Variants in STXBP4 observed in about 807,000 individuals in gnomAD.
STXBP4 encodes syntaxin binding protein 4, also known as syntaxin-binding protein 4.
In STXBP4, 55 loss-of-function variants were observed where a neutral mutation model predicts 76.1. The observed-to-expected ratio is 0.72, with a 90% confidence interval of 0.58 to 0.91. The LOEUF (loss-of-function observed/expected upper bound fraction) is 0.91. Ranked by LOEUF, STXBP4 falls within the 40% of genes least tolerant of loss-of-function variation. The probability of loss-of-function intolerance (pLI) is 0.00; values close to 1 mark genes in which losing one functional copy is unlikely to be tolerated. For missense variants in STXBP4, 618 were observed against 636.9 expected (o/e 0.97, Z 0.32); for synonymous variants, 201 against 220.2 (o/e 0.91, Z 0.77).
intron 16 of STXBP4, among the ~76,000 whole-genome samples, chr17:55,098,195 C>A (rs113739098): frequency 2.0e-5 from 3 of 152,074 alleles, no homozygotes; most frequent in African/African-American, 7.2e-5. Context: ...TCTGAGAACA[C>A]GTGAGAAACC....
intron 17 of STXBP4, among the ~76,000 whole-genome samples, chr17:55,157,195 T>G (rs1296619117): frequency 6.6e-6 from 1 of 152,232 alleles, no homozygotes; most frequent in Non-Finnish European, 1.5e-5. Context: ...TGGACTAATA[T>G]GTGCTGATAA....
chr17:55,078,216 C>T (rs372965168), intron 14 of STXBP4, 22 bp downstream of exon 14: 8 of 1,482,420 alleles, frequency 5.4e-6, no homozygotes, highest in Non-Finnish European at 5.6e-6. Context: ...TGTTCTATTA[C>T]ATTCATCTTT....
At chr17:54,969,345 C>T (rs2077349970) in intron 1 of STXBP4, among the ~76,000 whole-genome samples, 1 of 152,188 alleles carries the variant, frequency 6.6e-6, no homozygotes, top group African/African-American at 2.4e-5. Flanking sequence ...AGTTGTCCCA[C>T]AGGACGAACT....
At chr17:55,199,385 C>G in the STXBP4 span, among the ~76,000 whole-genome samples, 369 of 152,198 alleles carry the variant, frequency 2.4e-3, 2 homozygotes, top group African/African-American at 8.6e-3. Flanking sequence ...TGTGTTTTTC[C>G]CCTAGATGCA....
At chr17:55,120,796 G>A (rs918079864) in intron 16 of STXBP4, among the ~76,000 whole-genome samples, 2 of 148,758 alleles carry the variant, frequency 1.3e-5, no homozygotes, top group East Asian at 1.9e-4. Flanking sequence ...ACAGGACTGT[G>A]TTTCCTAGAA....
In STXBP4 at chr17:54,968,820, G is replaced by A. The variant is rs2077331540; in HGVS notation, c.-157+5G>A. On this transcript the variant is annotated splice_donor_5th_base_variant and intron_variant, in intron 1 of 17. Transcript: ENST00000376352. ...GGCCGGGTTGCCAGATTACGGGTAAGTTTGCGTTTTGCTTTGTGACTGTTA... is the reference window on the plus strand; with the variant it reads ...GGCCGGGTTGCCAGATTACGGGTAAATTTGCGTTTTGCTTTGTGACTGTTA... 2 of 662,044 alleles carry A rather than the reference G, an allele frequency of 3.0e-6. No individual in the cohort carries two copies. Among genetic ancestry groups the A allele is most frequent in the Non-Finnish European group, 5.1e-6 (2 of 389,492 alleles). The allele number at this position is 662,044 out of a possible 1,614,324, so 41.0% of individuals were successfully genotyped here. A position where few individuals can be genotyped will look rare whatever the true frequency, so the allele number is the denominator to read the frequency against.
chr17:55,113,473 T>C (rs1164820405), intron 16 of STXBP4, among the ~76,000 whole-genome samples: 1 of 152,174 alleles, frequency 6.6e-6, no homozygotes, highest in Non-Finnish European at 1.5e-5. Flanking sequence ...AATTCCTGCT[T>C]ATGCCCAGAT....
At position 54,973,072 on chromosome 17, in the gene STXBP4, G is replaced by A. The variant is rs772822027; in HGVS notation, c.-157+4257G>A. Among the ~76,000 whole-genome samples the A allele has an allele frequency of 6.5e-4, 99 of 152,208 alleles. 1 individual carries two copies. Among genetic ancestry groups the A allele is most frequent in the Non-Finnish European group, 1.3e-3 (87 of 68,038 alleles). ...TCCAGACATTTTAGAAAGGGTAGGA[G>A]GAAGGAGGAAAGGCCAGTTAGGAAG... On this transcript the variant is annotated intron_variant, in intron 1 of 17. Coordinates refer to ENST00000376352, the MANE Select transcript of STXBP4 (RefSeq NM_178509.6).
chr17:55,205,435 A>G, the STXBP4 span, among the ~76,000 whole-genome samples: 15 of 152,274 alleles, frequency 9.9e-5, no homozygotes, highest in Non-Finnish European at 2.2e-4. Flanking sequence ...CAAATGACAG[A>G]TTTGTCTACA....
chr17:54,981,201 C>A (rs1051802399), intron 1 of STXBP4, among the ~76,000 whole-genome samples: 1 of 151,980 alleles, frequency 6.6e-6, no homozygotes, highest in Non-Finnish European at 1.5e-5. Context: ...GATTCCCTTA[C>A]AAATAGCATT....
At chr17:55,035,050 C>T (rs758045730) in intron 10 of STXBP4, among the ~76,000 whole-genome samples, 2 of 151,802 alleles carry the variant, frequency 1.3e-5, no homozygotes, top group South Asian at 2.1e-4. Context: ...GTTTTTGTTC[C>T]ACCATCATTT....
downstream of STXBP4, among the ~76,000 whole-genome samples, chr17:55,175,557 C>T (rs1045759198): frequency 2.6e-5 from 4 of 152,156 alleles, no homozygotes; most frequent in African/African-American, 9.7e-5. Context: ...AATGAAGGCG[C>T]TGCTCATAGA....
rs758698275 is a variant in STXBP4, at chr17:55,081,184, G to GT, written c.1489+2dup. Reference sequence around the variant, plus strand: ...GTTCGTGCCTTACTTGATATGGATTGTAAGTTTTCTGCATTTTTTCACTTT... The same window carrying GT: ...GTTCGTGCCTTACTTGATATGGATTGTTAAGTTTTCTGCATTTTTTCACTTT... On this transcript the variant is annotated splice_donor_variant, in intron 16 of 17. Coordinates refer to ENST00000376352, the MANE Select transcript of STXBP4 (RefSeq NM_178509.6). LOFTEE classifies it high-confidence loss of function. The GT allele has an allele frequency of 4.1e-6, 6 of 1,456,740 alleles. No individual in the cohort carries two copies. In the South Asian group the frequency reaches 7.3e-5, roughly 18 times the overall value. The allele number at this position is 1,456,740 out of a possible 1,614,324, so 90.2% of individuals were successfully genotyped here. A position where few individuals can be genotyped will look rare whatever the true frequency, so the allele number is the denominator to read the frequency against.
the STXBP4 span, among the ~76,000 whole-genome samples, chr17:55,210,073 G>C: frequency 6.6e-6 from 1 of 152,178 alleles, no homozygotes; most frequent in Non-Finnish European, 1.5e-5. Flanking sequence ...TTTAGTGGGA[G>C]AGAAAGAAGG....
intron 16 of STXBP4, among the ~76,000 whole-genome samples, chr17:55,138,425 G>A (rs1242473573): frequency 6.6e-6 from 1 of 152,078 alleles, no homozygotes; most frequent in Non-Finnish European, 1.5e-5. Flanking sequence ...TTAGGTAACA[G>A]CCACTATTCT....
intron 16 of STXBP4, among the ~76,000 whole-genome samples, chr17:55,081,388 A>G (rs1342177869): frequency 2.0e-5 from 3 of 152,202 alleles, no homozygotes; most frequent in Admixed American, 1.3e-4. Context: ...ATATGCCTTT[A>G]CATCCACTTC....
the STXBP4 span, among the ~76,000 whole-genome samples, chr17:55,185,326 TCTC>T: frequency 1.7e-3 from 129 of 74,716 alleles, 4 homozygotes; most frequent in South Asian, 0.014. Flanking sequence ...TCCTTCTCCT[TCTC>T]CTCCTCCTCC....
intron 1 of STXBP4, among the ~76,000 whole-genome samples, chr17:54,982,445 A>G (rs1407061548): frequency 6.6e-6 from 1 of 152,120 alleles, no homozygotes. Context: ...CCAATGTTCC[A>G]CTTTCTCTGT....
At chr17:55,056,203 T>C (rs2078920831) in intron 12 of STXBP4, among the ~76,000 whole-genome samples, 1 of 152,190 alleles carries the variant, frequency 6.6e-6, no homozygotes, top group Non-Finnish European at 1.5e-5. Context: ...ATATATTTTA[T>C]TTAGTTGGAT....
Sources: gnomAD v4.1 joint callset for allele counts (sites outside exome capture counted in the v4.1 genomes callset) on GRCh38, gnomAD v4.1.1 for gene constraint, MANE v1.5 for transcripts, NCBI Gene and HGNC (gene_info 2026-07-23, HGNC 2026-07-21) for gene names.